The following UBE2D3 variants were observed in gnomAD, a reference collection of about 807,000 sequenced individuals.
UBE2D3 encodes ubiquitin-conjugating enzyme E2 D3.
UBE2D3 carries 2 observed loss-of-function variants against 22.8 expected under a neutral mutation model. The ratio of observed to expected loss-of-function variants is 0.09; its 90% confidence interval spans 0.04 to 0.28. The LOEUF (loss-of-function observed/expected upper bound fraction) is 0.28, where lower values mean the gene tolerates loss of function less well. Ranked by LOEUF, UBE2D3 falls within the 10% of genes least tolerant of loss-of-function variation. The pLI, the probability that UBE2D3 is intolerant of heterozygous loss-of-function variation, is 1.00. For missense variants in UBE2D3, 27 were observed against 182.5 expected (o/e 0.15, Z 4.91); for synonymous variants, 56 against 60.4 (o/e 0.93, Z 0.34).
intron 7 of UBE2D3, chr4:102,799,035 G>T: frequency 6.7e-7 from 1 of 1,496,934 alleles, no homozygotes. Flanking sequence ...TAATGGTTAA[G>T]TTGAACATAA....
chr4:102,813,970 C>T (rs1728431641), intron 2 of UBE2D3, among the ~76,000 whole-genome samples: 1 of 152,182 alleles, frequency 6.6e-6, no homozygotes, highest in African/African-American at 2.4e-5. Flanking sequence ...TTTGGAAACT[C>T]ATCACAACTA....
At chr4:102,837,630 T>A (rs764936281) in intron 1 of UBE2D3, among the ~76,000 whole-genome samples, 1 of 151,538 alleles carries the variant, frequency 6.6e-6, no homozygotes, top group Non-Finnish European at 1.5e-5. Context: ...TGAGACAAGC[T>A]TAGGCAACAC....
intron 2 of UBE2D3, among the ~76,000 whole-genome samples, chr4:102,816,271 T>G (rs529438242): frequency 6.6e-6 from 1 of 152,316 alleles, no homozygotes; most frequent in African/African-American, 2.4e-5. Flanking sequence ...CCATTGTCCA[T>G]CCCAACCTAA....
chr4:102,834,643 G>T (rs529942956), intron 1 of UBE2D3, among the ~76,000 whole-genome samples: 1 of 152,010 alleles, frequency 6.6e-6, no homozygotes, highest in Non-Finnish European at 1.5e-5. Flanking sequence ...CACATACTAG[G>T]GAGGCTGAGG....
At chr4:102,824,186 G>A (rs1337927377) in intron 2 of UBE2D3, among the ~76,000 whole-genome samples, 1 of 152,152 alleles carries the variant, frequency 6.6e-6, no homozygotes, top group Non-Finnish European at 1.5e-5. Context: ...TTTCCAATAT[G>A]CCAAGTTTTT....
intron 2 of UBE2D3, chr4:102,812,247 T>C (rs1031003537): frequency 6.5e-6 from 1 of 152,772 alleles, no homozygotes; most frequent in African/African-American, 2.4e-5. Flanking sequence ...ATGATCATGC[T>C]GGTGGAGAGC....
intron 4 of UBE2D3, among the ~76,000 whole-genome samples, chr4:102,804,784 C>A (rs1004082644): frequency 6.6e-6 from 1 of 152,076 alleles, no homozygotes; most frequent in Non-Finnish European, 1.5e-5. Context: ...AAGTGATTCT[C>A]CCACCTCACC....
chr4:102,813,657 G>C (rs1728382652), intron 2 of UBE2D3, among the ~76,000 whole-genome samples: 2 of 152,188 alleles, frequency 1.3e-5, no homozygotes, highest in Admixed American at 6.5e-5. Context: ...ATTCAACTTG[G>C]TGAGAGCACT....
At chr4:102,827,054 C>G (rs1730643889) in intron 1 of UBE2D3, 1 of 990,518 alleles carries the variant, frequency 1.0e-6, no homozygotes, top group Non-Finnish European at 1.2e-6. Flanking sequence ...AAAGGTGCGG[C>G]CGGGAAAAGG....
At chr4:102,803,239 T>C (rs548091722) in intron 4 of UBE2D3, among the ~76,000 whole-genome samples, 1 of 152,342 alleles carries the variant, frequency 6.6e-6, no homozygotes, top group South Asian at 2.1e-4. Flanking sequence ...AGAACCAAGA[T>C]TCAAACACAA....
chr4:102,801,028 A>G (rs1726077940), intron 6 of UBE2D3, among the ~76,000 whole-genome samples: 1 of 152,030 alleles, frequency 6.6e-6, no homozygotes, highest in Non-Finnish European at 1.5e-5. Flanking sequence ...AGATTTGTCT[A>G]AAAATTAACC....
chr4:102,825,989 T>G lies in UBE2D3; in HGVS notation c.24+496A>C, dbSNP rs189301948. The G allele has an allele frequency of 5.4e-3, 1,608 of 296,774 alleles. 11 individuals carry two copies. Among genetic ancestry groups the G allele is most frequent in the Non-Finnish European group, 8.2e-3 (1,213 of 148,828 alleles). The allele number at this position is 296,774 out of a possible 1,614,324, so 18.4% of individuals were successfully genotyped here. ...CTGACTGACCTTCAATACGCAAGAC[T>G]TCTTCTACCCGACCCTCAGTCAAGT... On this transcript the variant is annotated intron_variant, in intron 2 of 7. Transcript: ENST00000453744.
At chr4:102,859,028 G>A (rs1209898750) in intron 1 of UBE2D3, among the ~76,000 whole-genome samples, 1 of 151,754 alleles carries the variant, frequency 6.6e-6, no homozygotes, top group Non-Finnish European at 1.5e-5. Flanking sequence ...TTGCTAATTA[G>A]CATCCTTTAG....
chr4:102,829,563 TG>T (rs1179713086), upstream of UBE2D3, among the ~76,000 whole-genome samples: 4 of 152,332 alleles, frequency 2.6e-5, no homozygotes, highest in African/African-American at 9.6e-5. Context: ...ATAATATATG[TG>T]AAAGGACACT....
At chr4:102,838,342 G>C (rs1038260972) in intron 1 of UBE2D3, among the ~76,000 whole-genome samples, 1 of 152,144 alleles carries the variant, frequency 6.6e-6, no homozygotes, top group African/African-American at 2.4e-5. Context: ...CCTCTTCCCA[G>C]CTCTGTGTTC....
At chr4:102,827,566 C>G, upstream of UBE2D3, 2 of 986,856 alleles carry the variant, frequency 2.0e-6, no homozygotes, top group Non-Finnish European at 2.4e-6. Context: ...CCAGCTGCCA[C>G]GCTCCGCCCC....
chr4:102,865,851 C>T (rs1304587499), intron 1 of UBE2D3, among the ~76,000 whole-genome samples: 3 of 152,150 alleles, frequency 2.0e-5, no homozygotes, highest in African/African-American at 7.2e-5. Context: ...AGCTCAAGTG[C>T]TTGAAAGTAA....
chr4:102,808,869 C>T (rs1368493278), intron 4 of UBE2D3, among the ~76,000 whole-genome samples: 1 of 151,922 alleles, frequency 6.6e-6, no homozygotes, highest in Non-Finnish European at 1.5e-5. Flanking sequence ...AGCATTTTTT[C>T]CTTTAGAATT....
intron 7 of UBE2D3, 119 bp downstream of exon 7, chr4:102,799,288 C>T: frequency 1.3e-6 from 1 of 798,390 alleles, no homozygotes; most frequent in Non-Finnish European, 2.0e-6. Context: ...CAATAGCTTT[C>T]TCCATATTTT....
Sources: allele counts gnomAD v4.1 joint callset (sites outside exome capture counted in the v4.1 genomes callset), GRCh38; gene constraint gnomAD v4.1.1; transcripts MANE v1.5; gene names NCBI Gene and HGNC (gene_info 2026-07-23, HGNC 2026-07-21).